Variants in ZNF503 observed in about 807,000 individuals in gnomAD.
The protein encoded by ZNF503 is zinc finger protein 503.
ZNF503 carries 15 observed loss-of-function variants against 34.4 expected under a neutral mutation model. The observed-to-expected ratio is 0.44, with a 90% CI of 0.29 to 0.67. The LOEUF (loss-of-function observed/expected upper bound fraction) is 0.67, where lower values mean the gene tolerates loss of function less well. ZNF503 is among the 30% of genes least tolerant of loss of function. The probability of loss-of-function intolerance (pLI) is 0.13; values close to 1 mark genes in which losing one functional copy is unlikely to be tolerated. For synonymous variants in ZNF503, 580 were observed against 456.8 expected, an observed-to-expected ratio of 1.27 and a Z score of -3.44; for missense variants, 1,007 against 926.8, an observed-to-expected ratio of 1.09 and a Z score of -1.12.
At chr10:75,280,918 G>A in the ZNF503 span, among the ~76,000 whole-genome samples, 2 of 152,168 alleles carry the variant, frequency 1.3e-5, no homozygotes, top group Non-Finnish European at 2.9e-5. Context: ...GAGGTAATGT[G>A]TGCATGAGGG....
Position 75,398,873 on chromosome 10 carries a change from G to A in ZNF503, c.1817C>T (p.Ser606Phe). 9 of 1,528,272 alleles carry A rather than the reference G, an allele frequency of 5.9e-6. No homozygotes were observed. Among genetic ancestry groups the A allele is most frequent in the Non-Finnish European group, 7.9e-6 (9 of 1,141,670 alleles). The allele number at this position is 1,528,272 out of a possible 1,614,324, so 94.7% of individuals were successfully genotyped here. ...GCCAGGCGTGGGAAGCGGGCTCTTG[G>A]AGTAGGGGTGGTAGCGGCTGCTGAG... is the stretch of plus-strand genomic sequence containing the variant. ...LGLSSRYHPY[S>F]KSPLPTPGAP... is the part of the protein sequence containing the mutation. The change falls in exon 2 of 2, where the codon TCC (serine) becomes TTC (phenylalanine). Residue 606 changes from serine to phenylalanine, a missense_variant. Coordinates refer to ENST00000372524, the MANE Select transcript of ZNF503 (RefSeq NM_032772.6).
Position 75,397,860 on chromosome 10 carries a change from T to A in ZNF503, c.*889A>T, listed in dbSNP as rs890277869. 1 of 152,646 alleles carries A rather than the reference T, an allele frequency of 6.6e-6. No homozygotes were observed. Among genetic ancestry groups the A allele is most frequent in the East Asian group, 1.9e-4 (1 of 5,194 alleles). 9.5% of individuals were successfully genotyped at this position (152,646 alleles called of 1,614,324 possible). A position where few individuals can be genotyped will look rare whatever the true frequency, so the allele number is the denominator to read the frequency against. ...GTAAAACCCTTTAATACATCAAATA[T>A]ACGGAATTTTAATCTTTAAAGCGAT... On this transcript the variant is annotated 3_prime_UTR_variant, in exon 2 of 2. Transcript: ENST00000372524.
chr10:75,371,572 C>A, the ZNF503 span, among the ~76,000 whole-genome samples: 12 of 152,226 alleles, frequency 7.9e-5, no homozygotes, highest in Non-Finnish European at 1.5e-4. Context: ...CAGAGCCAGA[C>A]TGACTTCTTT....
chr10:75,322,357 C>T, the ZNF503 span, among the ~76,000 whole-genome samples: 1 of 152,044 alleles, frequency 6.6e-6, no homozygotes, highest in East Asian at 1.9e-4. Flanking sequence ...CTCCTGACCT[C>T]GTGATCCGCC....
chr10:75,317,498 G>A, the ZNF503 span, among the ~76,000 whole-genome samples: 8 of 150,048 alleles, frequency 5.3e-5, no homozygotes, highest in Admixed American at 3.3e-4. Flanking sequence ...TGTTAGCCAG[G>A]ATGGTCTTGA....
chr10:75,397,505 A>T (rs1315494685), downstream of ZNF503, among the ~76,000 whole-genome samples: 3 of 152,240 alleles, frequency 2.0e-5, no homozygotes, highest in South Asian at 4.1e-4. Context: ...CAGGAGGGAA[A>T]TTTAACAAAA....
Position 75,398,881 on chromosome 10 carries a change from G to A in ZNF503, c.1809C>T (p.His603=). Residue 603 remains histidine, a synonymous_variant, in exon 2 of 2, where the codon CAC becomes CAT. Transcript: ENST00000372524. ...HHALGLSSRY[H]PYSKSPLPTP... Reference sequence around the variant, plus strand: ...TGGGAAGCGGGCTCTTGGAGTAGGGGTGGTAGCGGCTGCTGAGTCCCAGCG... The same window carrying A: ...TGGGAAGCGGGCTCTTGGAGTAGGGATGGTAGCGGCTGCTGAGTCCCAGCG... 1.3e-6 allele frequency: 2 copies of A among 1,536,244 alleles called. No homozygotes were observed. The highest frequency in any genetic ancestry group is 1.4e-5 in the African/African-American group (1 of 73,256).
the ZNF503 span, chr10:75,382,870 G>T: frequency 3.9e-6 from 1 of 256,208 alleles, no homozygotes. Flanking sequence ...TGCCTATGGA[G>T]CCTCCTCTTT....
the ZNF503 span, among the ~76,000 whole-genome samples, chr10:75,323,986 C>T: frequency 1.5e-5 from 2 of 132,714 alleles, no homozygotes; most frequent in African/African-American, 2.9e-5. Context: ...AGCAAAACTC[C>T]GTCTCAAAAA....
At chr10:75,357,377 G>T in the ZNF503 span, among the ~76,000 whole-genome samples, 1 of 151,954 alleles carries the variant, frequency 6.6e-6, no homozygotes, top group African/African-American at 2.4e-5. Context: ...AATTAGCTGG[G>T]CATGGTGGTG....
chr10:75,369,902 A>G, the ZNF503 span, among the ~76,000 whole-genome samples: 1 of 152,010 alleles, frequency 6.6e-6, no homozygotes, highest in Non-Finnish European at 1.5e-5. Context: ...CCTCGTCTCT[A>G]CTAAAAATAT....
At chr10:75,311,763 A>C in the ZNF503 span, among the ~76,000 whole-genome samples, 610 of 151,786 alleles carry the variant, frequency 4.0e-3, 5 homozygotes, top group African/African-American at 0.014. Context: ...TTCCTTTATA[A>C]ATTACCCAGT....
the ZNF503 span, among the ~76,000 whole-genome samples, chr10:75,304,427 C>T: frequency 1.3e-3 from 196 of 152,218 alleles, 1 homozygote; most frequent in Non-Finnish European, 2.3e-3. Context: ...ACAGTAGAAG[C>T]TCTGTTAATT....
At chr10:75,356,295 C>T in the ZNF503 span, among the ~76,000 whole-genome samples, 1 of 152,210 alleles carries the variant, frequency 6.6e-6, no homozygotes, top group African/African-American at 2.4e-5. Context: ...CAGCTTACTG[C>T]AAGCTCTGCC....
At chr10:75,342,772 T>A in the ZNF503 span, among the ~76,000 whole-genome samples, 1 of 152,188 alleles carries the variant, frequency 6.6e-6, no homozygotes. Context: ...TTACTTTTGG[T>A]GTTAGACTGA....
the ZNF503 span, among the ~76,000 whole-genome samples, chr10:75,330,100 T>C: frequency 6.6e-5 from 10 of 152,350 alleles, no homozygotes; most frequent in East Asian, 9.6e-4. Context: ...TCTCTGCATC[T>C]ATTGAGATGA....
At chr10:75,349,131 AACCTTGCT>A in the ZNF503 span, among the ~76,000 whole-genome samples, 206 of 152,366 alleles carry the variant, frequency 1.4e-3, 2 homozygotes, top group East Asian at 0.035. Flanking sequence ...CAAGAAATTT[AACCTTGCT>A]ACAATGTAAC....
chr10:75,289,352 C>T, the ZNF503 span, among the ~76,000 whole-genome samples: 11 of 152,082 alleles, frequency 7.2e-5, no homozygotes, highest in African/African-American at 2.7e-4. Context: ...GACCATCTTG[C>T]CCCTATTGTT....
At chr10:75,377,650 T>C in the ZNF503 span, among the ~76,000 whole-genome samples, 1 of 152,158 alleles carries the variant, frequency 6.6e-6, no homozygotes, top group Admixed American at 6.5e-5. Flanking sequence ...TTCCCTCATT[T>C]CTATCCAGGT....
Sources: gnomAD v4.1 joint callset for allele counts (sites outside exome capture counted in the v4.1 genomes callset) on GRCh38, gnomAD v4.1.1 for gene constraint, MANE v1.5 for transcripts, NCBI Gene and HGNC (gene_info 2026-07-23, HGNC 2026-07-21) for gene names.